FSTL5: variants seen among roughly 807,000 people sequenced by gnomAD.
FSTL5 encodes follistatin like 5, also known as follistatin-related protein 5.
In FSTL5, 62 loss-of-function variants were observed where a neutral mutation model predicts 89.1. The ratio of observed to expected loss-of-function variants is 0.70; its 90% CI spans 0.57 to 0.86. FSTL5 has a LOEUF of 0.86. Among genes scored for constraint, FSTL5 ranks in the 40% least tolerant of loss-of-function variants. The pLI is 0.00. For missense variants in FSTL5, 1,057 were observed against 1,001.6 expected, an observed-to-expected ratio of 1.06 and a Z score of -0.75; for synonymous variants, 383 against 346.2, an observed-to-expected ratio of 1.11 and a Z score of -1.18.
chr4:162,056,113 A>T (rs1738534669), intron 2 of FSTL5, among the ~76,000 whole-genome samples: 1 of 151,976 alleles, frequency 6.6e-6, no homozygotes, highest in African/African-American at 2.4e-5. Context: ...TGTGTGAATT[A>T]ATGATGTGAA....
At chr4:161,480,562 T>A (rs551657503) in intron 13 of FSTL5, among the ~76,000 whole-genome samples, 1 of 152,332 alleles carries the variant, frequency 6.6e-6, no homozygotes, top group African/African-American at 2.4e-5. Context: ...ATATTATTTA[T>A]TTTACTACTA....
At chr4:162,035,271 T>C (rs991438235) in intron 2 of FSTL5, 1 of 152,130 alleles carries the variant, frequency 6.6e-6, no homozygotes, top group African/African-American at 2.4e-5. Flanking sequence ...TGTGTCCTCA[T>C]GGAGCAGACT....
At chr4:161,571,998 G>A (rs1425380159) in intron 8 of FSTL5, among the ~76,000 whole-genome samples, 2 of 152,012 alleles carry the variant, frequency 1.3e-5, no homozygotes, top group African/African-American at 4.8e-5. Context: ...TACACAACTA[G>A]CTCTCTTGTA....
At chr4:161,824,052 T>C (rs1431555558) in intron 4 of FSTL5, among the ~76,000 whole-genome samples, 1 of 152,228 alleles carries the variant, frequency 6.6e-6, no homozygotes, top group African/African-American at 2.4e-5. Context: ...TTTGTTGCAT[T>C]AGCTTTTGGG....
At chr4:162,140,393 A>C (rs72986967) in intron 1 of FSTL5, among the ~76,000 whole-genome samples, 35,698 of 150,182 alleles carry the variant, frequency 0.24, 4,461 homozygotes, top group Non-Finnish European at 0.25. Flanking sequence ...TTAGTGGATA[A>C]GGAAACTTTG....
intron 1 of FSTL5, among the ~76,000 whole-genome samples, chr4:162,137,347 T>A (rs1394506833): frequency 6.6e-6 from 1 of 152,108 alleles, no homozygotes. Context: ...AGTCATCCAA[T>A]ATGCCAGGAC....
intron 3 of FSTL5, among the ~76,000 whole-genome samples, chr4:161,923,199 C>T (rs1175600426): frequency 1.3e-5 from 2 of 151,824 alleles, no homozygotes; most frequent in African/African-American, 4.8e-5. Context: ...TAGCTCATTG[C>T]TAGATGGAGC....
intron 3 of FSTL5, among the ~76,000 whole-genome samples, chr4:161,995,595 T>TAA (rs1478340982): frequency 2.6e-5 from 4 of 152,110 alleles, no homozygotes; most frequent in African/African-American, 7.2e-5. Flanking sequence ...AGGAATGCAA[T>TAA]AATTAGCACT....
intron 7 of FSTL5, among the ~76,000 whole-genome samples, chr4:161,647,082 A>G (rs1048797082): frequency 6.6e-6 from 1 of 152,218 alleles, no homozygotes; most frequent in Non-Finnish European, 1.5e-5. Context: ...GCCAAGACCA[A>G]TGCCATGAGG....
At chr4:161,605,744 G>A (rs937526394) in intron 7 of FSTL5, among the ~76,000 whole-genome samples, 2 of 152,202 alleles carry the variant, frequency 1.3e-5, no homozygotes, top group African/African-American at 4.8e-5. Context: ...TGGAAGATAA[G>A]TCTTTTCAAC....
intron 15 of FSTL5, among the ~76,000 whole-genome samples, chr4:161,439,510 G>A (rs1447094047): frequency 6.6e-6 from 1 of 152,166 alleles, no homozygotes; most frequent in African/African-American, 2.4e-5. Context: ...AGACTGCTAT[G>A]ATTAATATGG....
At chr4:162,093,594 T>C (rs1579021759) in intron 2 of FSTL5, among the ~76,000 whole-genome samples, 1 of 152,214 alleles carries the variant, frequency 6.6e-6, no homozygotes, top group Non-Finnish European at 1.5e-5. Context: ...CAAGAGACTA[T>C]TTTTATATAA....
At chr4:161,991,362 C>A (rs1401754314) in intron 3 of FSTL5, among the ~76,000 whole-genome samples, 1 of 151,906 alleles carries the variant, frequency 6.6e-6, no homozygotes, top group Non-Finnish European at 1.5e-5. Context: ...ATTGCAGCAT[C>A]AACTATTTTC....
chr4:161,557,667 A>T (rs1732437702), intron 8 of FSTL5, among the ~76,000 whole-genome samples: 1 of 151,662 alleles, frequency 6.6e-6, no homozygotes, highest in African/African-American at 2.4e-5. Context: ...TATAAGAGTA[A>T]CTTGTGAAAT....
intron 6 of FSTL5, among the ~76,000 whole-genome samples, chr4:161,671,963 C>G (rs1204234084): frequency 6.6e-6 from 1 of 152,132 alleles, no homozygotes; most frequent in East Asian, 1.9e-4. Flanking sequence ...ATCTGATTAT[C>G]CCATGTGAAT....
intron 7 of FSTL5, among the ~76,000 whole-genome samples, chr4:161,646,603 G>GA (rs200845226): frequency 4.0e-3 from 601 of 152,114 alleles, no homozygotes; most frequent in African/African-American, 0.014. Flanking sequence ...ATGCACTGCA[G>GA]AAAATCTTTT....
At chr4:162,030,093 C>G (rs1542612) in intron 3 of FSTL5, among the ~76,000 whole-genome samples, 148,924 of 152,036 alleles carry the variant, frequency 0.98, 73,007 homozygotes, top group East Asian at 1. Context: ...TATTTTTTTA[C>G]TAGAGATTGG....
intron 8 of FSTL5, among the ~76,000 whole-genome samples, chr4:161,554,449 T>C (rs755014963): frequency 6.6e-6 from 1 of 150,946 alleles, no homozygotes; most frequent in Non-Finnish European, 1.5e-5. Context: ...CTTCATACTT[T>C]CATACACTGA....
chr4:161,463,214 C>A lies in FSTL5; in HGVS notation c.1609-3895G>T, dbSNP rs114141830. ...CCGACTTTGAAAAATGTCTGCTCAA[C>A]GATTTCCAAAAGTTTTGAACATTTT... On this transcript the variant is annotated intron_variant, in intron 13 of 15. Coordinates refer to ENST00000306100, the MANE Select transcript of FSTL5 (RefSeq NM_020116.5). 3.6e-3 allele frequency among the ~76,000 whole-genome samples: 550 copies of A among 152,136 alleles called. 3 individuals carry two copies. Among genetic ancestry groups the A allele is most frequent in the African/African-American group, 0.012 (501 of 41,522 alleles).
Sources: allele counts gnomAD v4.1 joint callset (sites outside exome capture counted in the v4.1 genomes callset), GRCh38; gene constraint gnomAD v4.1.1; transcripts MANE v1.5; gene names NCBI Gene and HGNC (gene_info 2026-07-23, HGNC 2026-07-21).